The following NDUFA10 variants were observed in gnomAD, a reference collection of about 807,000 sequenced individuals.
The protein encoded by NDUFA10 is NADH:ubiquinone oxidoreductase subunit A10, also known as NADH dehydrogenase [ubiquinone] 1 alpha subcomplex subunit 10, mitochondrial.
NDUFA10 carries 40 observed loss-of-function variants against 47.8 expected under a neutral mutation model. That is an observed-to-expected ratio of 0.84 (90% CI 0.65 to 1.09). The LOEUF is 1.09. Ranked by LOEUF, NDUFA10 falls within the 50% of genes least tolerant of loss-of-function variation. The pLI is 0.00. For missense variants in NDUFA10, 413 were observed against 451.1 expected (o/e 0.92, Z 0.76); for synonymous variants, 183 against 172.2 (o/e 1.06, Z -0.49).
At chr2:240,009,704 T>C (rs190277119) in intron 6 of NDUFA10, among the ~76,000 whole-genome samples, 10 of 152,362 alleles carry the variant, frequency 6.6e-5, no homozygotes, top group Non-Finnish European at 1.5e-4. Context: ...AACGGAGCCA[T>C]CATCTTGTCA....
intron 4 of NDUFA10, among the ~76,000 whole-genome samples, chr2:239,932,439 A>G (rs992011761): frequency 1.3e-5 from 2 of 152,192 alleles, no homozygotes; most frequent in African/African-American, 4.8e-5. Flanking sequence ...GCGCTTTTCC[A>G]TGACACGGCA....
chr2:239,973,781 A>G, intron 9 of NDUFA10: 1 of 362,098 alleles, frequency 2.8e-6, no homozygotes, highest in South Asian at 2.2e-5. Context: ...CCTGTCCTGC[A>G]CACATTCAGT....
rs1015965099 is a variant in NDUFA10, at chr2:239,958,090, C to A, written c.*3028G>T. Reference sequence around the variant, plus strand: ...TCCACATGTAAAGCCCCAGATCACTCGGGCACCTGCTTCCATTCATGGAAT... The same window carrying A: ...TCCACATGTAAAGCCCCAGATCACTAGGGCACCTGCTTCCATTCATGGAAT... On this transcript the variant is annotated 3_prime_UTR_variant, in exon 10 of 10. Transcript: ENST00000252711. 1.3e-5 allele frequency: 2 copies of A among 152,210 alleles called. No individual in the cohort carries two copies. Among genetic ancestry groups the A allele is most frequent in the East Asian group, 3.8e-4 (2 of 5,198 alleles). 9.4% of individuals were successfully genotyped at this position (152,210 alleles called of 1,614,324 possible).
intron 4 of NDUFA10, among the ~76,000 whole-genome samples, chr2:239,898,759 G>A (rs1040418020): frequency 8.5e-5 from 13 of 152,198 alleles, no homozygotes; most frequent in African/African-American, 2.9e-4. Context: ...CCACATTCAC[G>A]AGTGCACAAC....
In NDUFA10 at chr2:240,022,210, C is replaced by T; in HGVS notation, c.206G>A (p.Gly69Glu). Reference protein sequence around the residue: ...VITVDGNICTGKGKLAKEIAE... With the variant: ...VITVDGNICTEKGKLAKEIAE... ...TATTTCTTTTGCAAGTTTGCCTTTT[C>T]CAGTACATATATTGCCATCTACAGT... Residue 69 changes from glycine to glutamate, a missense_variant, in exon 2 of 10, where the codon GGA becomes GAA. Physicochemically the swap from Gly to Glu is moderately conservative, Grantham distance 98. Transcript: ENST00000252711. 6.2e-7 allele frequency: 1 copy of T among 1,614,040 alleles called. No individual in the cohort carries two copies. The highest frequency in any genetic ancestry group is 8.5e-7 in the Non-Finnish European group (1 of 1,179,984).
chr2:239,956,984 C>T (rs1461504963), downstream of NDUFA10, among the ~76,000 whole-genome samples: 2 of 152,316 alleles, frequency 1.3e-5, no homozygotes, highest in East Asian at 3.9e-4. Flanking sequence ...GGCCGCCTCA[C>T]TCCTTCCCTC....
At chr2:239,983,471 C>T (rs1358594792) in intron 9 of NDUFA10, 3 of 1,534,698 alleles carry the variant, frequency 2.0e-6, no homozygotes, top group East Asian at 2.4e-5. Context: ...ATCAAGCAAC[C>T]GAATTTCCTT....
intron 8 of NDUFA10, among the ~76,000 whole-genome samples, chr2:239,998,687 G>A (rs990327373): frequency 5.9e-5 from 9 of 152,170 alleles, no homozygotes; most frequent in African/African-American, 2.2e-4. Context: ...GGATTCCTAC[G>A]TGACCAGCCC....
At chr2:239,952,023 AGGGGCC>A (rs1694563228) in intron 4 of NDUFA10, among the ~76,000 whole-genome samples, 2 of 152,200 alleles carry the variant, frequency 1.3e-5, no homozygotes, top group Non-Finnish European at 2.9e-5. Flanking sequence ...GTGGGCCGGC[AGGGGCC>A]AAAGGCTGCT....
Position 239,917,285 on chromosome 2 carries a change from A to C in NDUFA10, c.295-21971T>G, listed in dbSNP as rs11686089. Among the ~76,000 whole-genome samples the C allele has an allele frequency of 3.5e-3, 533 of 152,336 alleles. 1 individual carries two copies. The highest frequency in any genetic ancestry group is 5.0e-3 in the Non-Finnish European group (340 of 68,026). On this transcript the variant is annotated intron_variant, in intron 4 of 5. Coordinates refer to the NDUFA10 transcript ENST00000419408. ...TAGCAGGCAAGGCCCACACCCATGA[A>C]AAGTCTTGATAAACACTGTCTTAAG...
At chr2:239,895,372 T>C (rs1693372965) in intron 4 of NDUFA10, 5 of 396,270 alleles carry the variant, frequency 1.3e-5, no homozygotes, top group South Asian at 7.6e-5. Context: ...GAGCCCGAGC[T>C]CTGTGCAGGT....
rs111337344 is a variant in NDUFA10, at chr2:239,959,736, G to A, written c.*1382C>T. On this transcript the variant is annotated 3_prime_UTR_variant, in exon 10 of 10. Transcript: ENST00000252711. ...GAAAACAAGGACAGACGGAAGGAAG[G>A]AAGAGAAGGAGGGAAGGAAAGAGGC... is the stretch of plus-strand genomic sequence containing the variant. 1.9e-3 allele frequency: 1,385 copies of A among 734,796 alleles called. 30 individuals are homozygous for A. The East Asian group carries it at 0.041, about 22-fold the overall frequency. 45.5% of individuals were successfully genotyped at this position (734,796 alleles called of 1,614,324 possible).
At chr2:239,915,599 TACACAC>T (rs528123556) in intron 4 of NDUFA10, among the ~76,000 whole-genome samples, 5 of 121,228 alleles carry the variant, frequency 4.1e-5, no homozygotes, top group African/African-American at 1.6e-4. Flanking sequence ...GAGATACACA[TACACAC>T]ACACACACAT....
rs969400603 is a variant in NDUFA10, at chr2:239,959,211, G to A, written c.*1907C>T. The A allele has an allele frequency of 5.6e-6, 4 of 709,080 alleles. No individual in the cohort carries two copies. In the African/African-American group the frequency reaches 7.6e-5, roughly 14 times the overall value. The allele number at this position is 709,080 out of a possible 1,614,324, so 43.9% of individuals were successfully genotyped here. ...AGGGTCAGACGCAAACACAGGGGATGATCAGAGCACCCGAGTCCACACCAT... is the reference window on the plus strand; with the variant it reads ...AGGGTCAGACGCAAACACAGGGGATAATCAGAGCACCCGAGTCCACACCAT... On this transcript the variant is annotated 3_prime_UTR_variant, in exon 10 of 10. Coordinates refer to ENST00000252711, the MANE Select transcript of NDUFA10 (RefSeq NM_004544.4).
In NDUFA10 at chr2:239,958,846, T is replaced by A; in HGVS notation, c.*2272A>T. 1.3e-6 allele frequency: 1 copy of A among 742,710 alleles called. No individual in the cohort carries two copies. The highest frequency in any genetic ancestry group is 1.6e-6 in the Non-Finnish European group (1 of 608,622). 46.0% of individuals were successfully genotyped at this position (742,710 alleles called of 1,614,324 possible). ...AAATCCAGACACAAAACCATACTGCTGCAACAGCATGATTATTTCCTGATC... is the reference window on the plus strand; with the variant it reads ...AAATCCAGACACAAAACCATACTGCAGCAACAGCATGATTATTTCCTGATC... On this transcript the variant is annotated 3_prime_UTR_variant, in exon 10 of 10. Transcript: ENST00000252711.
At chr2:239,912,485 C>T (rs1417953543) in intron 4 of NDUFA10, among the ~76,000 whole-genome samples, 1 of 152,242 alleles carries the variant, frequency 6.6e-6, no homozygotes, top group Admixed American at 6.5e-5. Flanking sequence ...TGGAGCCAGG[C>T]GAGAGTAGCT....
downstream of NDUFA10, among the ~76,000 whole-genome samples, chr2:239,957,190 C>T (rs1559313287): frequency 6.6e-6 from 1 of 152,228 alleles, no homozygotes; most frequent in African/African-American, 2.4e-5. Flanking sequence ...CCTCGCCCCT[C>T]AGCCACTGCT....
At chr2:239,900,589 A>AAAC (rs1296988244) in intron 4 of NDUFA10, among the ~76,000 whole-genome samples, 7 of 149,262 alleles carry the variant, frequency 4.7e-5, no homozygotes, top group East Asian at 4.0e-4. Flanking sequence ...GAAAAAAAAA[A>AAAC]CCCATGTGTG....
At chr2:239,983,857 T>C in intron 9 of NDUFA10, 1 of 1,377,406 alleles carries the variant, frequency 7.3e-7, no homozygotes, top group South Asian at 1.5e-5. Flanking sequence ...TGTCATGTGA[T>C]ATTCTAGACG....
Sources: allele counts gnomAD v4.1 joint callset (sites outside exome capture counted in the v4.1 genomes callset), GRCh38; gene constraint gnomAD v4.1.1; transcripts MANE v1.5; gene names NCBI Gene and HGNC (gene_info 2026-07-23, HGNC 2026-07-21).